The following NEK9 variants were observed in gnomAD, a reference collection of about 807,000 sequenced individuals.
NEK9 encodes serine/threonine-protein kinase Nek9.
A neutral mutation model predicts 123.4 loss-of-function variants in NEK9; 75 were observed. The ratio of observed to expected loss-of-function variants is 0.61; its 90% CI spans 0.50 to 0.74. The LOEUF (loss-of-function observed/expected upper bound fraction) is 0.74, where lower values mean the gene tolerates loss of function less well. Ranked by LOEUF, NEK9 falls within the 30% of genes least tolerant of loss-of-function variation. NEK9 has a pLI of 0.00. For synonymous variants in NEK9, 438 were observed against 458.7 expected, an observed-to-expected ratio of 0.95 and a Z score of 0.58; for missense variants, 952 against 1,214.4, an observed-to-expected ratio of 0.78 and a Z score of 3.21.
At position 75,084,500 on chromosome 14, in the gene NEK9, T is replaced by C; in HGVS notation, c.*64A>G. On this transcript the variant is annotated 3_prime_UTR_variant, in exon 22 of 22. Coordinates refer to ENST00000238616, the MANE Select transcript of NEK9 (RefSeq NM_033116.6). The stretch of plus-strand genomic sequence containing the variant: ...AAGCCAGGAAAGCTGCTCTCTGCAT[T>C]CGGTAAGTGTGCTGTGAAGTTCTTT... 6 of 1,590,876 alleles carry C rather than the reference T, an allele frequency of 3.8e-6. No homozygotes were observed. The highest frequency in any genetic ancestry group is 5.2e-6 in the Non-Finnish European group (6 of 1,164,210).
chr14:75,087,346 T>C (rs1894062231), intron 20 of NEK9, 116 bp from the exon 21 acceptor site: 2 of 691,258 alleles, frequency 2.9e-6, no homozygotes, highest in South Asian at 1.9e-5. Context: ...ATAAATCATA[T>C]ATACACATGA....
intron 17 of NEK9, among the ~76,000 whole-genome samples, chr14:75,096,091 G>A (rs1894372286): frequency 6.6e-6 from 1 of 151,704 alleles, no homozygotes; most frequent in Non-Finnish European, 1.5e-5. Flanking sequence ...AGACCAGCCT[G>A]GCTAATATGG....
upstream of NEK9, chr14:75,127,185 C>T (rs1477973619): frequency 4.6e-6 from 2 of 434,036 alleles, no homozygotes; most frequent in Non-Finnish European, 8.2e-6. Context: ...AGTGAGGCCT[C>T]GGGCTAGGGT....
At position 75,081,626 on chromosome 14, in the gene NEK9, TG is replaced by T. The variant is rs1893870599; in HGVS notation, c.*2937del. 1 of 152,220 alleles carries T rather than the reference TG, an allele frequency of 6.6e-6. No homozygotes were observed. Among genetic ancestry groups the T allele is most frequent in the Non-Finnish European group, 1.5e-5 (1 of 68,034 alleles). The allele number at this position is 152,220 out of a possible 1,614,324, so 9.4% of individuals were successfully genotyped here. A position where few individuals can be genotyped will look rare whatever the true frequency, so the allele number is the denominator to read the frequency against. ...TCTATTATGAATGTTTGTGAACATA[TG>T]GCAAGTGAAATGAAATTTTTTAGTG... On this transcript the variant is annotated 3_prime_UTR_variant, in exon 22 of 22. Coordinates refer to ENST00000238616, the MANE Select transcript of NEK9 (RefSeq NM_033116.6). The surrounding 1 kb of genome is among the most constrained non-coding windows in gnomAD (Gnocchi z 4.2).
chr14:75,105,604 G>A (rs1438653506), intron 13 of NEK9, among the ~76,000 whole-genome samples: 1 of 152,224 alleles, frequency 6.6e-6, no homozygotes, highest in East Asian at 1.9e-4. Flanking sequence ...GCTGTGTTGG[G>A]TTAAGAGACA....
In NEK9 at chr14:75,114,326, G is replaced by A; in HGVS notation, c.763-13C>T. ...GGTTAAGTGGGTTCTATGAGAAAATGATGACTGCATTGTTCCTGGTTATAT... is the reference window on the plus strand; with the variant it reads ...GGTTAAGTGGGTTCTATGAGAAAATAATGACTGCATTGTTCCTGGTTATAT... On this transcript the variant is annotated splice_polypyrimidine_tract_variant and intron_variant, in intron 6 of 21. Coordinates refer to ENST00000238616, the MANE Select transcript of NEK9 (RefSeq NM_033116.6). 6.3e-7 allele frequency: 1 copy of A among 1,586,914 alleles called. No individual in the cohort carries two copies. Among genetic ancestry groups the A allele is most frequent in the Non-Finnish European group, 8.7e-7 (1 of 1,155,388 alleles).
In NEK9 at chr14:75,107,346, T is replaced by C. The variant is rs1894812316; in HGVS notation, c.1324A>G (p.Thr442Ala). 6.2e-7 allele frequency: 1 copy of C among 1,612,382 alleles called. No homozygotes were observed. Among genetic ancestry groups the C allele is most frequent in the South Asian group, 1.1e-5 (1 of 90,744 alleles). The change falls in exon 11 of 22, where the codon ACT becomes GCT. Residue 442 changes from threonine (T) to alanine (A), a missense_variant. Transcript: ENST00000238616. ...SCGDDFTVCVTDEGQLYAFGS... is the reference protein window; with the variant it reads ...SCGDDFTVCVADEGQLYAFGS... ...ACACTTTCTGCTGATGGCTTACCAGTCACACAGACAGTGAAATCATCACCA... is the reference window on the plus strand; with the variant it reads ...ACACTTTCTGCTGATGGCTTACCAGCCACACAGACAGTGAAATCATCACCA...
At chr14:75,112,714 T>G (rs1894996855) in intron 8 of NEK9, among the ~76,000 whole-genome samples, 1 of 152,162 alleles carries the variant, frequency 6.6e-6, no homozygotes, top group Non-Finnish European at 1.5e-5. Context: ...CCTAGCTACC[T>G]GGGAGGCTGA....
rs1228114188 is a variant in NEK9, at chr14:75,118,881, T to G, written c.579A>C (p.Gly193=). 4 of 1,611,140 alleles carry G rather than the reference T, an allele frequency of 2.5e-6. No homozygotes were observed. In the African/African-American group the frequency reaches 5.3e-5, roughly 22 times the overall value. ...TAAGTTTCTTTGCTAGGCCATAATCTCCAAGTTTTATCAGGTTTGCCTTGG... is the reference window on the plus strand; with the variant it reads ...TAAGTTTCTTTGCTAGGCCATAATCGCCAAGTTTTATCAGGTTTGCCTTGG... ...FLTKANLIKL[G]DYGLAKKLNS... The change falls in exon 5 of 22, where the codon GGA becomes GGC. Residue 193 remains glycine, a synonymous_variant. Coordinates refer to ENST00000238616, the MANE Select transcript of NEK9 (RefSeq NM_033116.6).
At chr14:75,117,075 A>G (rs1895167126) in intron 6 of NEK9, 120 bp downstream of exon 6, 1 of 1,149,910 alleles carries the variant, frequency 8.7e-7, no homozygotes, top group Admixed American at 2.4e-5. Context: ...CTAATCTTGT[A>G]CCTGAATACA....
intron 6 of NEK9, among the ~76,000 whole-genome samples, chr14:75,115,113 G>GCACA (rs1566657017): frequency 1.8e-4 from 20 of 111,546 alleles, no homozygotes; most frequent in Non-Finnish European, 3.1e-4. Context: ...ACGTGTGTGC[G>GCACA]TACACACACA....
At chr14:75,089,465 G>C (rs562006653) in intron 19 of NEK9, among the ~76,000 whole-genome samples, 5 of 152,148 alleles carry the variant, frequency 3.3e-5, no homozygotes, top group Non-Finnish European at 7.4e-5. Context: ...CTGACCTCAA[G>C]TGATCTGCCC....
At chr14:75,096,349 G>T (rs545357777) in intron 17 of NEK9, among the ~76,000 whole-genome samples, 1 of 149,290 alleles carries the variant, frequency 6.7e-6, no homozygotes, top group Admixed American at 6.7e-5. Context: ...GCAAACCACT[G>T]ATCTAAAAGT....
chr14:75,106,800 G>T, intron 11 of NEK9, 98 bp from the exon 12 acceptor site: 1 of 829,070 alleles, frequency 1.2e-6, no homozygotes, highest in East Asian at 2.5e-5. Context: ...CCCAGCAAAT[G>T]ATCTCACATG....
Position 75,117,225 on chromosome 14 carries a change from C to CA in NEK9, c.731dup (p.Leu245AlafsTer8). 6.2e-7 allele frequency: 1 copy of CA among 1,613,604 alleles called. No homozygotes were observed. On this transcript the variant is annotated frameshift_variant, in exon 6 of 22. Coordinates refer to ENST00000238616, the MANE Select transcript of NEK9 (RefSeq NM_033116.6). LOFTEE classifies it high-confidence loss of function. ...CATCAAACGTCCTCTTTAAGGTAAG[C>CA]AGTTCAAAAATGACGCAGCCAACTG... is the stretch of plus-strand genomic sequence containing the variant.
At chr14:75,117,705 G>A (rs150301241) in intron 5 of NEK9, among the ~76,000 whole-genome samples, 98 of 152,320 alleles carry the variant, frequency 6.4e-4, no homozygotes, top group Non-Finnish European at 1.1e-3. Flanking sequence ...GCAGTGGGGA[G>A]ATGGTAACTC....
At chr14:75,093,098 T>C (rs948119947) in intron 18 of NEK9, among the ~76,000 whole-genome samples, 1 of 152,244 alleles carries the variant, frequency 6.6e-6, no homozygotes, top group African/African-American at 2.4e-5. Flanking sequence ...AGAACTAGAA[T>C]TGCACTATCC....
intron 7 of NEK9, 61 bp downstream of exon 7, chr14:75,114,142 C>G (rs1895050601): frequency 8.2e-7 from 1 of 1,226,180 alleles, no homozygotes; most frequent in South Asian, 1.2e-5. Flanking sequence ...ATGCCATACA[C>G]CAAACACTGA....
At chr14:75,121,284 C>T in intron 2 of NEK9, 110 bp from the exon 3 acceptor site, 1 of 715,998 alleles carries the variant, frequency 1.4e-6, no homozygotes, top group Non-Finnish European at 2.4e-6. Context: ...TGCTTTCTCT[C>T]CATAGGCAAC....
Sources: gnomAD v4.1 joint callset for allele counts (sites outside exome capture counted in the v4.1 genomes callset) on GRCh38, gnomAD v4.1.1 for gene constraint, Gnocchi (gnomAD v3.1) non-coding constraint, MANE v1.5 for transcripts, NCBI Gene and HGNC (gene_info 2026-07-23, HGNC 2026-07-21) for gene names.